Variants in RTKN2 observed in about 807,000 individuals in gnomAD.
RTKN2 encodes the protein rhotekin-2.
In RTKN2, 69 loss-of-function variants were observed where a neutral mutation model predicts 71.5. The observed-to-expected ratio is 0.96, with a 90% confidence interval of 0.79 to 1.18. The LOEUF (loss-of-function observed/expected upper bound fraction) is 1.18, where lower values mean the gene tolerates loss of function less well. Ranked by LOEUF, RTKN2 falls within the 50% of genes most tolerant of loss-of-function variation. The pLI is 0.00. For synonymous variants in RTKN2, 236 were observed against 236.5 expected, an observed-to-expected ratio of 1.00 and a Z score of 0.02; for missense variants, 724 against 719.7, an observed-to-expected ratio of 1.01 and a Z score of -0.07.
intron 7 of RTKN2, among the ~76,000 whole-genome samples, chr10:62,219,532 A>C (rs1381706487): frequency 6.6e-6 from 1 of 152,074 alleles, no homozygotes; most frequent in Non-Finnish European, 1.5e-5. Flanking sequence ...TCATTTCTTG[A>C]CTTCAAGAGT....
chr10:62,203,071 A>G (rs33999979), intron 10 of RTKN2, among the ~76,000 whole-genome samples: 13,355 of 152,214 alleles, frequency 0.088, 787 homozygotes, highest in South Asian at 0.25. Flanking sequence ...GAGGCAGGAG[A>G]ATCACTTGAA....
chr10:62,262,799 A>T lies in RTKN2; in HGVS notation c.83T>A (p.Ile28Lys), dbSNP rs1275951520. ...TTCTCGCATTCGAATTTCTAAGTCT[A>T]TTTTTTCTTGAATGTTGCAGTCCTA... ...TQQDCNIQEK[I>K]DLEIRMREGI... Residue 28 changes from isoleucine (I) to lysine (K), a missense_variant, in exon 2 of 12, where the codon ATA becomes AAA. By Grantham distance (102) the Ile-to-Lys change is moderately radical. Coordinates refer to ENST00000373789, the MANE Select transcript of RTKN2 (RefSeq NM_145307.4). The T allele has an allele frequency of 6.2e-7, 1 of 1,607,138 alleles. No homozygotes were observed. The highest frequency in any genetic ancestry group is 8.5e-7 in the Non-Finnish European group (1 of 1,177,508).
intron 1 of RTKN2, among the ~76,000 whole-genome samples, chr10:62,263,264 T>C (rs1842808761): frequency 6.6e-6 from 1 of 152,144 alleles, no homozygotes; most frequent in Non-Finnish European, 1.5e-5. Context: ...CACAGTCACA[T>C]ACAGAGAGAA....
chr10:62,250,154 A>G (rs1303132533), intron 2 of RTKN2, among the ~76,000 whole-genome samples: 1 of 152,238 alleles, frequency 6.6e-6, no homozygotes, highest in Non-Finnish European at 1.5e-5. Flanking sequence ...ATTGCAAAAC[A>G]CAAGCAATAT....
chr10:62,267,905 T>C (rs1842895083), intron 1 of RTKN2, among the ~76,000 whole-genome samples: 1 of 152,178 alleles, frequency 6.6e-6, no homozygotes, highest in Admixed American at 6.5e-5. Context: ...AGAAATAATG[T>C]TGGTTTAGTA....
chr10:62,252,132 C>T lies in RTKN2; in HGVS notation c.258-6075G>A, dbSNP rs1315555862. On this transcript the variant is annotated intron_variant, in intron 2 of 11. Transcript: ENST00000373789. ...AAGAACAATCTACATATCAAAAGAG[C>T]CCCAAAATGTGCCAAATGGTCAGCC... Among the ~76,000 whole-genome samples, 4 of 151,928 alleles carry T rather than the reference C, an allele frequency of 2.6e-5. No homozygotes were observed. In the East Asian group the frequency reaches 7.7e-4, roughly 29 times the overall value.
At chr10:62,206,162 G>GT (rs1554808651) in intron 9 of RTKN2, among the ~76,000 whole-genome samples, 1 of 152,108 alleles carries the variant, frequency 6.6e-6, no homozygotes, top group East Asian at 1.9e-4. Flanking sequence ...CAGCCATATT[G>GT]TAAGTGTCTA....
At chr10:62,250,339 G>A (rs1033750527) in intron 2 of RTKN2, among the ~76,000 whole-genome samples, 2 of 152,150 alleles carry the variant, frequency 1.3e-5, no homozygotes, top group African/African-American at 4.8e-5. Flanking sequence ...TGGCTACGAA[G>A]AAAAAGAAGG....
At chr10:62,201,340 TA>T (rs1195097684) in intron 10 of RTKN2, among the ~76,000 whole-genome samples, 3 of 151,986 alleles carry the variant, frequency 2.0e-5, no homozygotes, top group East Asian at 3.8e-4. Flanking sequence ...TTAAGAAACA[TA>T]AAAAAAGCCT....
At chr10:62,243,036 GGTTT>G (rs1842410706) in intron 3 of RTKN2, among the ~76,000 whole-genome samples, 1 of 151,832 alleles carries the variant, frequency 6.6e-6, no homozygotes, top group African/African-American at 2.4e-5. Flanking sequence ...ACGACGTGCA[GGTTT>G]GTTACATATG....
At chr10:62,187,689 C>T (rs1841158683) in intron 8 of RTKN2, among the ~76,000 whole-genome samples, 1 of 152,102 alleles carries the variant, frequency 6.6e-6, no homozygotes, top group South Asian at 2.1e-4. Context: ...TCTCAGCATA[C>T]TTATATTGAC....
intron 10 of RTKN2, among the ~76,000 whole-genome samples, chr10:62,203,009 T>C (rs1225597199): frequency 6.6e-6 from 1 of 151,738 alleles, no homozygotes; most frequent in Non-Finnish European, 1.5e-5. Flanking sequence ...AAAAATACAA[T>C]ATTAGTTGGG....
chr10:62,210,862 T>C (rs577909192), intron 9 of RTKN2, among the ~76,000 whole-genome samples: 3 of 152,244 alleles, frequency 2.0e-5, no homozygotes, highest in Non-Finnish European at 4.4e-5. Flanking sequence ...AAAATCTGAA[T>C]AGTTGATATG....
At chr10:62,268,530 A>T in intron 1 of RTKN2, 21 bp downstream of exon 1, 1 of 1,551,514 alleles carries the variant, frequency 6.4e-7, no homozygotes, top group Non-Finnish European at 8.7e-7. Flanking sequence ...CTTCCGCGGC[A>T]GGGTCCCTCC....
intron 5 of RTKN2, chr10:62,238,837 A>C (rs1842312115): frequency 6.6e-6 from 1 of 151,994 alleles, no homozygotes; most frequent in Non-Finnish European, 1.5e-5. Context: ...CTAGCTCCAT[A>C]GCTGAAAATG....
chr10:62,213,630 A>G (rs1841706430), intron 9 of RTKN2, among the ~76,000 whole-genome samples: 1 of 152,132 alleles, frequency 6.6e-6, no homozygotes, highest in African/African-American at 2.4e-5. Flanking sequence ...AAAGGTCCCT[A>G]TTTTTATTAA....
chr10:62,235,266 A>C (rs1842231841), intron 6 of RTKN2, among the ~76,000 whole-genome samples: 1 of 152,168 alleles, frequency 6.6e-6, no homozygotes, highest in Non-Finnish European at 1.5e-5. Context: ...ATATGAATAC[A>C]GACTGGATAT....
chr10:62,268,142 A>C (rs1219897901), intron 1 of RTKN2, among the ~76,000 whole-genome samples: 1 of 152,134 alleles, frequency 6.6e-6, no homozygotes, highest in Non-Finnish European at 1.5e-5. Context: ...ACATCGCTCC[A>C]TTACTGTGCT....
chr10:62,264,538 CTATAG>C (rs1325444152), intron 1 of RTKN2, among the ~76,000 whole-genome samples: 1 of 152,166 alleles, frequency 6.6e-6, no homozygotes, highest in Non-Finnish European at 1.5e-5. Flanking sequence ...ACCCATATGT[CTATAG>C]AAATAAACTC....
Sources: allele counts gnomAD v4.1 joint callset (sites outside exome capture counted in the v4.1 genomes callset), GRCh38; gene constraint gnomAD v4.1.1; transcripts MANE v1.5; gene names NCBI Gene and HGNC (gene_info 2026-07-23, HGNC 2026-07-21).